RBM20: variants seen among roughly 807,000 people sequenced by gnomAD.
RBM20 encodes RNA-binding protein 20.
A neutral mutation model predicts 110.1 loss-of-function variants in RBM20; 51 were observed. The observed-to-expected ratio is 0.46, with a 90% CI of 0.37 to 0.59. The LOEUF (loss-of-function observed/expected upper bound fraction) is 0.59, where lower values mean the gene tolerates loss of function less well. RBM20 is among the 20% of genes least tolerant of loss of function. RBM20 has a pLI of 0.00. For missense variants in RBM20, 1,512 were observed against 1,574.9 expected (o/e 0.96, Z 0.68); for synonymous variants, 589 against 618.2 (o/e 0.95, Z 0.70).
At chr10:110,795,969 T>A (rs1279057195) in intron 5 of RBM20, among the ~76,000 whole-genome samples, 1 of 152,220 alleles carries the variant, frequency 6.6e-6, no homozygotes, top group East Asian at 1.9e-4. Context: ...CCTCTTTTAT[T>A]TGTTGAATAC....
intron 1 of RBM20, among the ~76,000 whole-genome samples, chr10:110,752,939 ATATATAT>A (rs1259837605): frequency 1.8e-3 from 169 of 93,792 alleles, no homozygotes; most frequent in East Asian, 0.012. Flanking sequence ...ATATATATAT[ATATATAT>A]TTTTTTTTTT....
At chr10:110,668,230 G>T (rs1347629709) in intron 1 of RBM20, among the ~76,000 whole-genome samples, 3 of 142,834 alleles carry the variant, frequency 2.1e-5, no homozygotes, top group Non-Finnish European at 4.6e-5. Context: ...CCAGAGCTGT[G>T]TCTGGGGCTA....
At chr10:110,654,013 A>G (rs1425187759) in intron 1 of RBM20, among the ~76,000 whole-genome samples, 1 of 152,232 alleles carries the variant, frequency 6.6e-6, no homozygotes, top group Non-Finnish European at 1.5e-5. Context: ...AGATAGGCTA[A>G]GAGTTTGACC....
chr10:110,755,521 T>G (rs1316619870), intron 1 of RBM20, among the ~76,000 whole-genome samples: 2 of 152,258 alleles, frequency 1.3e-5, no homozygotes, highest in Non-Finnish European at 2.9e-5. Context: ...ACATTTCTAT[T>G]GTGTAAAATT....
chr10:110,740,566 C>G (rs1043989562), intron 1 of RBM20, among the ~76,000 whole-genome samples: 3 of 151,946 alleles, frequency 2.0e-5, no homozygotes, highest in African/African-American at 7.3e-5. Context: ...GAGATGGAGC[C>G]CCTTCTCTCC....
At chr10:110,766,576 C>G (rs543842718) in intron 1 of RBM20, among the ~76,000 whole-genome samples, 97 of 151,954 alleles carry the variant, frequency 6.4e-4, no homozygotes, top group Admixed American at 4.3e-3. Context: ...GCACATCTTG[C>G]ACTGCCCTTA....
chr10:110,768,567 C>T (rs754966765), intron 1 of RBM20, among the ~76,000 whole-genome samples: 22 of 152,170 alleles, frequency 1.4e-4, no homozygotes, highest in Non-Finnish European at 2.5e-4. Flanking sequence ...CCATGTCCTT[C>T]ACAAGGAAAC....
intron 1 of RBM20, among the ~76,000 whole-genome samples, chr10:110,708,789 T>G (rs1862879217): frequency 6.6e-6 from 1 of 152,160 alleles, no homozygotes. Context: ...GAAGGTGGTG[T>G]TGGGGCATTG....
chr10:110,751,072 G>A (rs1229233118), intron 1 of RBM20, among the ~76,000 whole-genome samples: 1 of 152,202 alleles, frequency 6.6e-6, no homozygotes, highest in African/African-American at 2.4e-5. Flanking sequence ...TAAGAGGAAG[G>A]TAGTGTGGTT....
chr10:110,698,539 G>A (rs990998914), intron 1 of RBM20, among the ~76,000 whole-genome samples: 17 of 152,196 alleles, frequency 1.1e-4, no homozygotes, highest in African/African-American at 4.1e-4. Flanking sequence ...CAGACGTTCT[G>A]GACAGTGTCA....
chr10:110,763,751 C>CTTTT lies in RBM20; in HGVS notation c.192-17029_192-17026dup, dbSNP rs56845100. Among the ~76,000 whole-genome samples the CTTTT allele has an allele frequency of 2.4e-3, 153 of 64,382 alleles. 3 individuals are homozygous for CTTTT. The highest frequency in any genetic ancestry group is 8.4e-3 in the African/African-American group (133 of 15,852). The allele number at this position is 64,382 out of a possible 152,430, so 42.2% of individuals were successfully genotyped here. On this transcript the variant is annotated intron_variant, in intron 1 of 13. Coordinates refer to ENST00000369519, the MANE Select transcript of RBM20 (RefSeq NM_001134363.3). ...TTCCTCACAGAGAGGGGCTTCTTGGCTTTTTTTTTTTTTTTTTTTTTTTTG... is the reference window on the plus strand; with the variant it reads ...TTCCTCACAGAGAGGGGCTTCTTGGCTTTTTTTTTTTTTTTTTTTTTTTTTTTTG...
chr10:110,733,654 A>G (rs1017418969), intron 1 of RBM20, among the ~76,000 whole-genome samples: 9 of 152,062 alleles, frequency 5.9e-5, no homozygotes, highest in African/African-American at 2.2e-4. Context: ...TTAGCTGGAG[A>G]AATATTGGCT....
intron 1 of RBM20, among the ~76,000 whole-genome samples, chr10:110,691,674 C>A (rs527395833): frequency 6.6e-6 from 1 of 152,192 alleles, no homozygotes; most frequent in East Asian, 1.9e-4. Context: ...CAGAATATAA[C>A]CCTTTATCAA....
In RBM20 at chr10:110,773,787, C is replaced by G. The variant is rs148282818; in HGVS notation, c.192-7014C>G. ...AGTCCAGCATGAAAGGCAGGCCTCTCGTGTCAGTTCTAAACCCACCAGCTG... is the reference window on the plus strand; with the variant it reads ...AGTCCAGCATGAAAGGCAGGCCTCTGGTGTCAGTTCTAAACCCACCAGCTG... On this transcript the variant is annotated intron_variant, in intron 1 of 13. Transcript: ENST00000369519. Among the ~76,000 whole-genome samples the G allele has an allele frequency of 6.0e-3, 918 of 152,290 alleles. 9 individuals are homozygous for G. Among genetic ancestry groups the G allele is most frequent in the African/African-American group, 0.021 (889 of 41,560 alleles).
intron 1 of RBM20, among the ~76,000 whole-genome samples, chr10:110,720,318 C>T (rs1843490252): frequency 6.6e-6 from 1 of 152,182 alleles, no homozygotes; most frequent in Non-Finnish European, 1.5e-5. Flanking sequence ...CCTGTGTCCA[C>T]CCGGCCACCA....
intron 1 of RBM20, among the ~76,000 whole-genome samples, chr10:110,650,169 C>G (rs1001379861): frequency 1.3e-5 from 2 of 152,140 alleles, no homozygotes; most frequent in East Asian, 1.9e-4. Flanking sequence ...ACCCCTCCCC[C>G]CAAATAACTT....
chr10:110,796,176 G>A (rs1032439206), intron 5 of RBM20, among the ~76,000 whole-genome samples: 1 of 152,182 alleles, frequency 6.6e-6, no homozygotes, highest in Non-Finnish European at 1.5e-5. Context: ...GGTTCAGCAT[G>A]TCTCATCTTA....
intron 1 of RBM20, among the ~76,000 whole-genome samples, chr10:110,712,384 C>T (rs548515003): frequency 1.3e-5 from 2 of 152,342 alleles, no homozygotes; most frequent in South Asian, 4.1e-4. Context: ...TTAAAAGCTA[C>T]TGCAATTTAA....
At chr10:110,652,354 A>G (rs1306956139) in intron 1 of RBM20, among the ~76,000 whole-genome samples, 3 of 152,224 alleles carry the variant, frequency 2.0e-5, no homozygotes, top group African/African-American at 7.2e-5. Flanking sequence ...TGGGGCAATT[A>G]GACTGGTTTG....
Sources: gnomAD v4.1 joint callset for allele counts (sites outside exome capture counted in the v4.1 genomes callset) on GRCh38, gnomAD v4.1.1 for gene constraint, MANE v1.5 for transcripts, NCBI Gene and HGNC (gene_info 2026-07-23, HGNC 2026-07-21) for gene names.